The following ITSN2 variants were observed in gnomAD, a reference collection of about 807,000 sequenced individuals.
ITSN2 encodes intersectin 2, also known as intersectin-2.
A neutral mutation model predicts 243.7 loss-of-function variants in ITSN2; 156 were observed. The observed-to-expected ratio is 0.64, with a 90% CI of 0.56 to 0.73. The LOEUF (loss-of-function observed/expected upper bound fraction) is 0.73. Among genes scored for constraint, ITSN2 ranks in the 30% least tolerant of loss-of-function variants. The pLI is 0.00. For missense variants in ITSN2, 1,801 were observed against 1,996.1 expected (o/e 0.90, Z 1.86); for synonymous variants, 703 against 699.9 (o/e 1.00, Z -0.07).
At chr2:24,336,068 C>T (rs1465262002) in intron 1 of ITSN2, among the ~76,000 whole-genome samples, 4 of 151,440 alleles carry the variant, frequency 2.6e-5, no homozygotes, top group African/African-American at 7.2e-5. Context: ...GGTGGAACCC[C>T]GTCTCTACTA....
At chr2:24,223,902 GAA>G (rs1472045514) in intron 29 of ITSN2, among the ~76,000 whole-genome samples, 7 of 151,658 alleles carry the variant, frequency 4.6e-5, no homozygotes, top group African/African-American at 9.7e-5. Context: ...ATAAAGAAAA[GAA>G]AGAAATAAAT....
chr2:24,335,061 TCAAAAAAAAAAA>T, intron 1 of ITSN2: 4 of 20,018 alleles, frequency 2.0e-4, no homozygotes, highest in South Asian at 1.6e-3. Context: ...AGACTCCGTC[TCAAAAAAAAAAA>T]AAAAAAAAAA....
chr2:24,268,201 A>T (rs1676902543), intron 20 of ITSN2, among the ~76,000 whole-genome samples: 1 of 152,236 alleles, frequency 6.6e-6, no homozygotes, highest in Non-Finnish European at 1.5e-5. Flanking sequence ...GCCAAGACTC[A>T]GTGGAATTTC....
At position 24,211,994 on chromosome 2, in the gene ITSN2, C is replaced by T. The variant is rs1669532792; in HGVS notation, c.4089+656G>A. On this transcript the variant is annotated intron_variant, in intron 33 of 39. Coordinates refer to ENST00000355123, the MANE Select transcript of ITSN2 (RefSeq NM_006277.3). This position sits in a 1 kb window ranked among gnomAD's most constrained non-coding sequence, Gnocchi z 4.1. Reference sequence around the variant, plus strand: ...AGGAATCATCAATAGAAGTAACAAGCTTATCATATTCCTGCTGCTTTTCTT... The same window carrying T: ...AGGAATCATCAATAGAAGTAACAAGTTTATCATATTCCTGCTGCTTTTCTT... 6.6e-6 allele frequency among the ~76,000 whole-genome samples: 1 copy of T among 152,188 alleles called. No individual in the cohort carries two copies. The highest frequency in any genetic ancestry group is 2.4e-5 in the African/African-American group (1 of 41,448).
Position 24,210,006 on chromosome 2 carries a change from A to C in ITSN2, c.4285T>G (p.Cys1429Gly). 3.1e-6 allele frequency: 5 copies of C among 1,613,844 alleles called. No homozygotes were observed. The highest frequency in any genetic ancestry group is 4.2e-6 in the Non-Finnish European group (5 of 1,179,780). Residue 1429 changes from cysteine to glycine, a missense_variant, in exon 35 of 40, where the codon TGC becomes GGC. By Grantham distance (159) the Cys-to-Gly change is radical (BLOSUM62 -3). Around this residue, in one of 5 missense-constraint regions of ITSN2, gnomAD observed 928 missense variants for 1,065.4 expected, o/e 0.87. Transcript: ENST00000355123. ...TGTAAGAGCTTCCGGGGCCCCAGGC[A>C]GTTGGTGAGAGAGTTGAAAATAAGT... The part of the protein sequence containing the change: ...EQLIFNSLTN[C>G]LGPRKLLHSG...
intron 28 of ITSN2, 54 bp from the exon 29 acceptor site, chr2:24,246,374 G>T: frequency 9.5e-7 from 1 of 1,047,148 alleles, no homozygotes; most frequent in Non-Finnish European, 1.4e-6. Flanking sequence ...TTCCTGCAAG[G>T]GTCAATCATT....
At chr2:24,341,092 G>C (rs1173451710) in intron 1 of ITSN2, among the ~76,000 whole-genome samples, 1 of 152,192 alleles carries the variant, frequency 6.6e-6, no homozygotes, top group Non-Finnish European at 1.5e-5. Context: ...GAAGATGAAA[G>C]AGGAGCATCA....
intron 1 of ITSN2, among the ~76,000 whole-genome samples, chr2:24,334,320 A>G (rs998552188): frequency 3.3e-5 from 5 of 152,044 alleles, no homozygotes; most frequent in Admixed American, 6.6e-5. Flanking sequence ...CGGCTTCCCA[A>G]AGTGTTGCGA....
chr2:24,324,613 G>C (rs1251247485), intron 2 of ITSN2, among the ~76,000 whole-genome samples: 1 of 151,922 alleles, frequency 6.6e-6, no homozygotes, highest in Non-Finnish European at 1.5e-5. Context: ...ACTTCAGAAG[G>C]CTAGGGCAGG....
intron 24 of ITSN2, among the ~76,000 whole-genome samples, chr2:24,253,025 C>T (rs1674553531): frequency 6.6e-6 from 1 of 152,180 alleles, no homozygotes; most frequent in African/African-American, 2.4e-5. Flanking sequence ...GATGACCCAG[C>T]TCCTAGCACA....
At chr2:24,298,882 GACA>G in intron 12 of ITSN2, 68 bp from the exon 13 acceptor site, 1 of 1,458,320 alleles carries the variant, frequency 6.9e-7, no homozygotes, top group Non-Finnish European at 9.3e-7. Context: ...AAACTGGGAA[GACA>G]ACAATAAAAG....
rs370279890 is a variant in ITSN2, at chr2:24,312,292, T to C, written c.272A>G (p.Gln91Arg). ...IAMKLIKLKL[Q>R]GQQLPVVLPP... ...GAGAACCACAGGCAACTGTTGGCCTTGAAGCTTCAGTTTGATGAGTTTCAT... is the reference window on the plus strand; with the variant it reads ...GAGAACCACAGGCAACTGTTGGCCTCGAAGCTTCAGTTTGATGAGTTTCAT... Residue 91 changes from glutamine to arginine, a missense_variant, in exon 5 of 40, where the codon CAA (glutamine) becomes CGA (arginine). Transcript: ENST00000355123. 8 of 1,613,610 alleles carry C rather than the reference T, an allele frequency of 5.0e-6. No individual in the cohort carries two copies. The African/African-American group carries it at 6.7e-5, about 13-fold the overall frequency.
chr2:24,356,679 C>G (rs936635245), intron 1 of ITSN2, among the ~76,000 whole-genome samples: 10 of 152,060 alleles, frequency 6.6e-5, no homozygotes, highest in Non-Finnish European at 8.8e-5. Context: ...TTTGGGAGGC[C>G]AAGGCGGGTG....
In ITSN2 at chr2:24,204,542, C is replaced by T; in HGVS notation, c.4763-124G>A. On this transcript the variant is annotated intron_variant, in intron 38 of 39. Transcript: ENST00000355123. The surrounding 1 kb of genome is among the most constrained non-coding windows in gnomAD (Gnocchi z 5.1). ...TCACTCGAGACCATGGCAGCAGGAG[C>T]CGCTGCCTGGGGCACCATATCCCTG... 1.2e-6 allele frequency: 1 copy of T among 866,502 alleles called. No homozygotes were observed. The highest frequency in any genetic ancestry group is 1.4e-5 in the South Asian group (1 of 73,320). The allele number at this position is 866,502 out of a possible 1,614,324, so 53.7% of individuals were successfully genotyped here. A position where few individuals can be genotyped will look rare whatever the true frequency, so the allele number is the denominator to read the frequency against.
intron 1 of ITSN2, among the ~76,000 whole-genome samples, chr2:24,334,920 G>A (rs1322376573): frequency 5.9e-5 from 9 of 151,304 alleles, no homozygotes; most frequent in African/African-American, 1.7e-4. Flanking sequence ...AAAATTAGCC[G>A]GGCGTGGTAG....
In ITSN2 at chr2:24,203,625, C is replaced by G. The variant is rs527596303; in HGVS notation, c.*1G>C. ...CCCGCTGGTGCTGTCCTTTAGAACC[C>G]CTACAGGAGAGTTTTTTGCTCAAAA... On this transcript the variant is annotated 3_prime_UTR_variant, in exon 40 of 40. Transcript: ENST00000355123. The G allele has an allele frequency of 6.2e-7, 1 of 1,613,262 alleles. No homozygotes were observed. The highest frequency in any genetic ancestry group is 8.5e-7 in the Non-Finnish European group (1 of 1,179,622).
At position 24,248,850 on chromosome 2, in the gene ITSN2, T is replaced by C; in HGVS notation, c.3153A>G (p.Ser1051=). The part of the protein sequence containing the change: ...SFGSASKSGA[S]NKKPEIAQVT... ...TACTATACGTACCAGGTTTTTTATT[T>C]GATGCTCCAGACTTGCTAGCACTCC... Residue 1051 remains serine, a synonymous_variant, in exon 26 of 40, where the codon TCA becomes TCG. Coordinates refer to ENST00000355123, the MANE Select transcript of ITSN2 (RefSeq NM_006277.3). 2.5e-6 allele frequency: 4 copies of C among 1,613,824 alleles called. No individual in the cohort carries two copies. The highest frequency in any genetic ancestry group is 3.4e-6 in the Non-Finnish European group (4 of 1,179,790).
intron 39 of ITSN2, 110 bp from the exon 40 acceptor site, chr2:24,203,893 C>A: frequency 8.5e-7 from 1 of 1,177,188 alleles, no homozygotes; most frequent in Non-Finnish European, 1.2e-6. Context: ...AAACAAGGAA[C>A]TTCTTTTGGC....
intron 36 of ITSN2, among the ~76,000 whole-genome samples, 184 bp downstream of exon 36, chr2:24,208,916 T>C (rs1284570804): frequency 1.3e-5 from 2 of 151,812 alleles, no homozygotes; most frequent in Non-Finnish European, 2.9e-5. Context: ...CCGGGAAGCA[T>C]GTTAGGAGGC....
Sources: gnomAD v4.1 joint callset for allele counts (sites outside exome capture counted in the v4.1 genomes callset) on GRCh38, gnomAD v4.1.1 for gene constraint, gnomAD v4.1.1 regional missense constraint, Gnocchi (gnomAD v3.1) non-coding constraint, MANE v1.5 for transcripts, NCBI Gene and HGNC (gene_info 2026-07-23, HGNC 2026-07-21) for gene names.